The following MYH2 variants were observed in gnomAD, a reference collection of about 807,000 sequenced individuals.
MYH2 encodes the protein myosin heavy chain 2, also known as myosin-2.
In MYH2, 139 loss-of-function variants were observed where a neutral mutation model predicts 228.1. That is an observed-to-expected ratio of 0.61 (90% CI 0.53 to 0.70). The LOEUF is 0.70. Among genes scored for constraint, MYH2 ranks in the 30% least tolerant of loss-of-function variants. The pLI is 0.00. For missense variants in MYH2, 1,809 were observed against 2,357.5 expected (o/e 0.77, Z 4.82); for synonymous variants, 796 against 871.1 (o/e 0.91, Z 1.52).
chr17:10,535,900 C>G (rs190587637), intron 17 of MYH2, among the ~76,000 whole-genome samples: 3 of 152,310 alleles, frequency 2.0e-5, no homozygotes, highest in Admixed American at 1.3e-4. Flanking sequence ...AGCTGCACTG[C>G]AGATTTGCTG....
chr17:10,547,367 T>C (rs1046607587), intron 4 of MYH2, 108 bp downstream of exon 4: 2 of 1,401,974 alleles, frequency 1.4e-6, no homozygotes, highest in Non-Finnish European at 2.0e-6. Flanking sequence ...TATGCTGCAA[T>C]GAAAGTGAAA....
chr17:10,530,133 AAG>A, intron 22 of MYH2, 59 bp from the exon 23 acceptor site: 1 of 1,612,022 alleles, frequency 6.2e-7, no homozygotes, highest in African/African-American at 1.3e-5. Context: ...CACAATGGAT[AAG>A]AGTGTATGTT....
In MYH2 at chr17:10,537,138, C is replaced by T; in HGVS notation, c.1897+95G>A. ...TACTTGGAGGAACCAGGGGCTTGGT[C>T]TGCAACCCTTCTGCCAGACCTAAGA... On this transcript the variant is annotated intron_variant, in intron 16 of 39. Coordinates refer to ENST00000245503, the MANE Select transcript of MYH2 (RefSeq NM_017534.6). This position sits in a 1 kb window ranked among gnomAD's most constrained non-coding sequence, Gnocchi z 4.0. The T allele has an allele frequency of 6.5e-7, 1 of 1,542,380 alleles. No homozygotes were observed. Among genetic ancestry groups the T allele is most frequent in the Non-Finnish European group, 8.9e-7 (1 of 1,121,670 alleles).
At chr17:10,548,720 CTTTGAAGCATGCAGGCCCTG>C (rs1357106517) in intron 2 of MYH2, among the ~76,000 whole-genome samples, 1 of 152,102 alleles carries the variant, frequency 6.6e-6, no homozygotes, top group Non-Finnish European at 1.5e-5. Context: ...CCAAATTTTC[CTTTGAAGCATGCAGGCCCTG>C]TTTGCTCCGT....
intron 5 of MYH2, 132 bp from the exon 6 acceptor site, chr17:10,544,259 C>A: frequency 2.8e-6 from 3 of 1,085,686 alleles, no homozygotes; most frequent in Non-Finnish European, 1.4e-6. Flanking sequence ...AGGCTTTAGA[C>A]CTACCACTTT....
At chr17:10,529,134 G>A (rs2073392222) in intron 26 of MYH2, 28 bp downstream of exon 26, 1 of 1,614,062 alleles carries the variant, frequency 6.2e-7, no homozygotes, top group Admixed American at 1.7e-5. Context: ...CTGCCTCCGA[G>A]CCAGACTGAT....
chr17:10,538,847 AT>A (rs1734692092), intron 14 of MYH2, among the ~76,000 whole-genome samples: 1 of 152,154 alleles, frequency 6.6e-6, no homozygotes, highest in Non-Finnish European at 1.5e-5. Flanking sequence ...ATTTCATGAT[AT>A]CACACTAATG....
chr17:10,525,605 T>G lies in MYH2; in HGVS notation c.4383A>C (p.Glu1461Asp). 4 of 1,614,174 alleles carry G rather than the reference T, an allele frequency of 2.5e-6. No homozygotes were observed. The highest frequency in any genetic ancestry group is 3.4e-6 in the Non-Finnish European group (4 of 1,180,016). Residue 1461 changes from glutamate to aspartate, a missense_variant, in exon 32 of 40, where the codon GAA (glutamate) becomes GAC (aspartate). Glu to Asp is a conservative substitution (Grantham distance 45). This residue lies in a region of MYH2 where 636 missense variants were observed against 729.9 expected (regional missense o/e 0.87). Coordinates refer to ENST00000245503, the MANE Select transcript of MYH2 (RefSeq NM_017534.6). This position sits in a 1 kb window ranked among gnomAD's most constrained non-coding sequence, Gnocchi z 4.2. ...KQRNFDKILA[E>D]WKQKCEETHA... Reference sequence around the variant, plus strand: ...GCGTTTCCTCACATTTCTGTTTCCATTCTGCCAGGATCTGAAAAACCAAGA... The same window carrying G: ...GCGTTTCCTCACATTTCTGTTTCCAGTCTGCCAGGATCTGAAAAACCAAGA...
chr17:10,542,227 T>C (rs1245071990), intron 10 of MYH2, among the ~76,000 whole-genome samples: 1 of 152,112 alleles, frequency 6.6e-6, no homozygotes, highest in African/African-American at 2.4e-5. Flanking sequence ...TGAGCTGAGA[T>C]TTCGCCATTG....
chr17:10,538,619 TG>T (rs2142312235), intron 14 of MYH2, among the ~76,000 whole-genome samples: 1 of 148,446 alleles, frequency 6.7e-6, no homozygotes, highest in East Asian at 2.0e-4. Context: ...CACTCCAGCC[TG>T]GGCAACAGAG....
intron 5 of MYH2, 28 bp downstream of exon 5, chr17:10,545,318 G>A (rs2073613749): frequency 6.2e-7 from 1 of 1,612,218 alleles, no homozygotes; most frequent in Non-Finnish European, 8.5e-7. Flanking sequence ...AAAGGTTTAC[G>A]CACTTGCAAA....
intron 2 of MYH2, 129 bp from the exon 3 acceptor site, chr17:10,548,069 T>G: frequency 2.5e-6 from 2 of 788,734 alleles, no homozygotes; most frequent in South Asian, 3.2e-5. Flanking sequence ...CACCATACTA[T>G]AGTTACTGAG....
Position 10,524,696 on chromosome 17 carries a change from T to A in MYH2, c.4972-27A>T, listed in dbSNP as rs1167414316. The A allele has an allele frequency of 6.2e-7, 1 of 1,614,102 alleles. No homozygotes were observed. The highest frequency in any genetic ancestry group is 1.7e-5 in the Admixed American group (1 of 60,012). On this transcript the variant is annotated intron_variant, in intron 34 of 39. Transcript: ENST00000245503. This position sits in a 1 kb window ranked among gnomAD's most constrained non-coding sequence, Gnocchi z 4.7. ...TGTGAAACAAACCATCATTGAGACA[T>A]CATGTTCTCAGGGTTGCAGGCACCC...
At chr17:10,536,708 C>T (rs1357952677) in intron 16 of MYH2, 102 bp from the exon 17 acceptor site, 4 of 1,066,880 alleles carry the variant, frequency 3.7e-6, no homozygotes, top group Non-Finnish European at 5.6e-6. Flanking sequence ...TTTTTTCTAC[C>T]CAGCTGGCCT....
At chr17:10,547,693 G>A (rs2073653251) in intron 3 of MYH2, 24 bp downstream of exon 3, 3 of 1,614,120 alleles carry the variant, frequency 1.9e-6, no homozygotes, top group East Asian at 4.5e-5. Flanking sequence ...ATAAAATGTG[G>A]CAAGCTCCTG....
intron 22 of MYH2, among the ~76,000 whole-genome samples, chr17:10,530,523 G>A (rs2073412241): frequency 5.7e-5 from 8 of 139,906 alleles, no homozygotes. Context: ...TCAAGATACA[G>A]CTGCTACTGA....
intron 8 of MYH2, among the ~76,000 whole-genome samples, chr17:10,543,483 T>A (rs2073584255): frequency 6.6e-6 from 1 of 152,158 alleles, no homozygotes; most frequent in South Asian, 2.1e-4. Context: ...AATAAAAATT[T>A]TAAAATTGTG....
rs1368859006 is a variant in MYH2 at position 10,521,305 on chromosome 17, T to G, written c.5801A>C (p.His1934Pro). The change falls in exon 40 of 40, where the codon CAC (histidine) becomes CCC (proline). Residue 1934 changes from histidine (H) to proline (P), a missense_variant. Around this residue, in one of 9 missense-constraint regions of MYH2, gnomAD observed 278 missense variants for 308.5 expected, o/e 0.90. Coordinates refer to ENST00000245503, the MANE Select transcript of MYH2 (RefSeq NM_017534.6). ...NKLRVKSREV[H>P]TKVISEE ...TCACTCTTCACTTATGACTTTTGTG[T>G]GAACCTCCCGGCTCTTCACCCGCAG... The G allele has an allele frequency of 1.2e-6, 2 of 1,614,064 alleles. No individual in the cohort carries two copies. The highest frequency in any genetic ancestry group is 1.7e-6 in the Non-Finnish European group (2 of 1,180,032).
intron 11 of MYH2, among the ~76,000 whole-genome samples, chr17:10,540,373 T>A (rs948127701): frequency 1.6e-5 from 2 of 127,932 alleles, no homozygotes; most frequent in Non-Finnish European, 1.7e-5. Context: ...AAAAAAAAAA[T>A]AGTTTAGAAA....
Sources: gnomAD v4.1 joint callset for allele counts (sites outside exome capture counted in the v4.1 genomes callset) on GRCh38, gnomAD v4.1.1 for gene constraint, gnomAD v4.1.1 regional missense constraint, Gnocchi (gnomAD v3.1) non-coding constraint, MANE v1.5 for transcripts, NCBI Gene and HGNC (gene_info 2026-07-23, HGNC 2026-07-21) for gene names.